The following PRKCA variants were observed in gnomAD, a reference collection of about 807,000 sequenced individuals.
PRKCA encodes protein kinase C alpha, also known as protein kinase C alpha type.
A neutral mutation model predicts 87.0 loss-of-function variants in PRKCA; 27 were observed. That is an observed-to-expected ratio of 0.31 (90% CI 0.23 to 0.43). PRKCA has a LOEUF of 0.43. Among genes scored for constraint, PRKCA ranks in the 20% least tolerant of loss-of-function variants. The pLI is 1.00. For synonymous variants in PRKCA, 329 were observed against 311.1 expected (o/e 1.06, Z -0.61); for missense variants, 518 against 852.3 (o/e 0.61, Z 4.88).
chr17:66,665,666 C>T (rs532172392), intron 5 of PRKCA, among the ~76,000 whole-genome samples: 5 of 152,238 alleles, frequency 3.3e-5, no homozygotes, highest in African/African-American at 9.6e-5. Flanking sequence ...TAAGAACAAG[C>T]GCAGAGCCTG....
chr17:66,574,029 A>T (rs1205861335), intron 3 of PRKCA, among the ~76,000 whole-genome samples: 1 of 152,184 alleles, frequency 6.6e-6, no homozygotes, highest in Admixed American at 6.6e-5. Context: ...GTAAAACAAG[A>T]TCCTGCTTAT....
Position 66,496,215 on chromosome 17 carries a change from G to C in PRKCA, c.220G>C (p.Val74Leu). ...GFQCQVCCFVVHKRCHEFVTF... is the reference protein window; with the variant it reads ...GFQCQVCCFVLHKRCHEFVTF... ...TTCTCTACCAGTTTGCTGTTTTGTG[G>C]TCCACAAGAGGTGCCATGAATTTGT... The change falls in exon 3 of 17, where the codon GTC becomes CTC. Residue 74 changes from valine (V) to leucine (L), a missense_variant. This residue lies in a region of PRKCA where 25 missense variants were observed against 72.1 expected (regional missense o/e 0.35). Coordinates refer to ENST00000413366, the MANE Select transcript of PRKCA (RefSeq NM_002737.3). 6.2e-7 allele frequency: 1 copy of C among 1,613,948 alleles called. No individual in the cohort carries two copies.
intron 3 of PRKCA, among the ~76,000 whole-genome samples, chr17:66,631,580 A>G (rs1971013155): frequency 6.6e-6 from 1 of 152,114 alleles, no homozygotes; most frequent in Admixed American, 6.5e-5. Flanking sequence ...CACTGCACCT[A>G]GCTTATCTTT....
At position 66,773,999 on chromosome 17, in the gene PRKCA, C is replaced by T; in HGVS notation, c.1537C>T (p.Gln513Ter). 6.2e-7 allele frequency: 1 copy of T among 1,613,962 alleles called. No individual in the cohort carries two copies. Among genetic ancestry groups the T allele is most frequent in the Non-Finnish European group, 8.5e-7 (1 of 1,179,920 alleles). Residue 513 changes from glutamine (Q) to a stop codon, truncating the protein, a stop_gained, in exon 14 of 17, where the codon CAG (glutamine) becomes TAG (stop). Coordinates refer to ENST00000413366, the MANE Select transcript of PRKCA (RefSeq NM_002737.3). LOFTEE classifies it high-confidence loss of function. ...DYIAPEIIAY[Q>*]PYGKSVDWWA... ...TGTTTTCACACAGATAATCGCTTAT[C>T]AGCCGTATGGAAAATCTGTGGACTG...
intron 2 of PRKCA, among the ~76,000 whole-genome samples, chr17:66,423,726 A>G (rs1248024989): frequency 6.6e-6 from 1 of 152,202 alleles, no homozygotes; most frequent in Non-Finnish European, 1.5e-5. Flanking sequence ...CATACCATGC[A>G]GTAAAAAATA....
chr17:66,778,376 T>C (rs902031465), intron 14 of PRKCA: 34 of 332,088 alleles, frequency 1.0e-4, no homozygotes, highest in African/African-American at 6.3e-4. Context: ...ATTAGCCGAG[T>C]GTGGTGGCGG....
Position 66,678,665 on chromosome 17 carries a change from G to GAA in PRKCA, c.530-8434_530-8433dup, listed in dbSNP as rs34094513. Among the ~76,000 whole-genome samples, 134 of 138,968 alleles carry GAA rather than the reference G, an allele frequency of 9.6e-4. 1 individual carries two copies. Among genetic ancestry groups the GAA allele is most frequent in the African/African-American group, 3.3e-3 (127 of 38,410 alleles). The allele number at this position is 138,968 out of a possible 152,430, so 91.2% of individuals were successfully genotyped here. ...TAGGGCTAAACAGTCCTTGTTGACT[G>GAA]AAAAAAAAAAAAAGGACAGTCCCAG... On this transcript the variant is annotated intron_variant, in intron 5 of 16. Transcript: ENST00000413366.
At chr17:66,306,691 G>A (rs1240282036) in intron 2 of PRKCA, among the ~76,000 whole-genome samples, 6 of 152,226 alleles carry the variant, frequency 3.9e-5, no homozygotes, top group East Asian at 1.9e-4. Flanking sequence ...CTGACAAAAC[G>A]TGATATCAGC....
At chr17:66,506,638 C>T (rs1228671658) in intron 3 of PRKCA, among the ~76,000 whole-genome samples, 1 of 152,136 alleles carries the variant, frequency 6.6e-6, no homozygotes, top group Non-Finnish European at 1.5e-5. Context: ...CAAGAGTAGC[C>T]GTCTCATCAG....
intron 14 of PRKCA, among the ~76,000 whole-genome samples, chr17:66,780,478 C>T (rs911604618): frequency 6.6e-6 from 1 of 152,088 alleles, no homozygotes; most frequent in East Asian, 1.9e-4. Context: ...AGTTTGTAGA[C>T]CAGCCTGGCC....
At chr17:66,352,981 T>G (rs75789119) in intron 2 of PRKCA, among the ~76,000 whole-genome samples, 2,092 of 152,314 alleles carry the variant, frequency 0.014, 55 homozygotes, top group African/African-American at 0.048. Context: ...TTCTATGTAT[T>G]TCTTCGGTAT....
intron 13 of PRKCA, among the ~76,000 whole-genome samples, chr17:66,753,528 A>G (rs1237375895): frequency 6.6e-6 from 1 of 152,196 alleles, no homozygotes; most frequent in Non-Finnish European, 1.5e-5. Context: ...GTGGAATCTC[A>G]GGGGTCCATG....
intron 16 of PRKCA, among the ~76,000 whole-genome samples, chr17:66,800,076 G>A (rs1223587401): frequency 1.1e-4 from 16 of 152,256 alleles, no homozygotes; most frequent in East Asian, 1.9e-4. Flanking sequence ...TTTCTGTCCC[G>A]TGGTTGATGT....
chr17:66,535,872 C>T (rs753037795), intron 3 of PRKCA, among the ~76,000 whole-genome samples: 1 of 152,206 alleles, frequency 6.6e-6, no homozygotes, highest in Non-Finnish European at 1.5e-5. Flanking sequence ...GTTTCCTTTT[C>T]ACTAAAATAC....
At chr17:66,633,594 A>G (rs1032257303) in intron 3 of PRKCA, among the ~76,000 whole-genome samples, 2 of 152,222 alleles carry the variant, frequency 1.3e-5, no homozygotes, top group Non-Finnish European at 1.5e-5. Context: ...GGTTAAAAAC[A>G]GTCTTTTCCA....
At chr17:66,591,815 T>C (rs1311169144) in intron 3 of PRKCA, among the ~76,000 whole-genome samples, 1 of 152,136 alleles carries the variant, frequency 6.6e-6, no homozygotes, top group Non-Finnish European at 1.5e-5. Context: ...CCGACTCCCA[T>C]GCAGAGAGGG....
At position 66,779,008 on chromosome 17, in the gene PRKCA, A is replaced by G. The variant is rs868388628; in HGVS notation, c.1605+4941A>G. Among the ~76,000 whole-genome samples the G allele has an allele frequency of 5.9e-5, 9 of 152,276 alleles. No homozygotes were observed. In the South Asian group the frequency reaches 1.2e-3, roughly 21 times the overall value. On this transcript the variant is annotated intron_variant, in intron 14 of 16. Transcript: ENST00000413366. ...CTTCATCTTTCTCTCTGACTCCTCA[A>G]TGCAAATTTAAATGTATTCCTAGGC...
At chr17:66,405,830 G>A (rs1162547334) in intron 2 of PRKCA, among the ~76,000 whole-genome samples, 4 of 152,048 alleles carry the variant, frequency 2.6e-5, no homozygotes, top group Non-Finnish European at 2.9e-5. Context: ...ACTTGAAAAA[G>A]TCAAGCATTT....
chr17:66,410,662 A>G (rs895408444), intron 2 of PRKCA, among the ~76,000 whole-genome samples: 21 of 151,672 alleles, frequency 1.4e-4, no homozygotes, highest in African/African-American at 4.8e-4. Context: ...TGCAACCTCC[A>G]CCTCCCAGGT....
Sources: gnomAD v4.1 joint callset for allele counts (sites outside exome capture counted in the v4.1 genomes callset) on GRCh38, gnomAD v4.1.1 for gene constraint, gnomAD v4.1.1 regional missense constraint, MANE v1.5 for transcripts, NCBI Gene and HGNC (gene_info 2026-07-23, HGNC 2026-07-21) for gene names.